Variants in TSHZ2 observed in about 807,000 individuals in gnomAD.
TSHZ2 encodes teashirt zinc finger homeobox 2.
A neutral mutation model predicts 74.4 loss-of-function variants in TSHZ2; 21 were observed. The observed-to-expected ratio is 0.28, with a 90% CI of 0.20 to 0.41. The LOEUF is 0.41. TSHZ2 is among the 10% of genes least tolerant of loss of function. TSHZ2 has a pLI of 1.00. For synonymous variants in TSHZ2, 540 were observed against 515.3 expected, an observed-to-expected ratio of 1.05 and a Z score of -0.65; for missense variants, 1,244 against 1,293.5, an observed-to-expected ratio of 0.96 and a Z score of 0.59.
At chr20:53,480,701 C>T (rs1986126934) in intron 2 of TSHZ2, among the ~76,000 whole-genome samples, 1 of 152,154 alleles carries the variant, frequency 6.6e-6, no homozygotes, top group Admixed American at 6.6e-5. Context: ...AGCAGTGCCC[C>T]CTTTTAGCAA....
At chr20:53,166,937 T>C (rs1009834163) in intron 1 of TSHZ2, among the ~76,000 whole-genome samples, 2 of 152,008 alleles carry the variant, frequency 1.3e-5, no homozygotes, top group African/African-American at 2.4e-5. Context: ...AACCTGATAA[T>C]GTAATAGTGA....
At chr20:53,313,847 C>T (rs969408971) in intron 2 of TSHZ2, among the ~76,000 whole-genome samples, 29 of 152,182 alleles carry the variant, frequency 1.9e-4, no homozygotes, top group Non-Finnish European at 3.5e-4. Context: ...AATGAACAAA[C>T]TTGTTAAAAT....
chr20:53,314,559 T>C lies in TSHZ2; in HGVS notation c.*8+57988T>C, dbSNP rs572591890. Among the ~76,000 whole-genome samples, 24 of 151,334 alleles carry C rather than the reference T, an allele frequency of 1.6e-4. 1 individual carries two copies. The highest frequency in any genetic ancestry group is 1.3e-3 in the Admixed American group (20 of 15,194). On this transcript the variant is annotated intron_variant, in intron 2 of 2. Coordinates refer to ENST00000371497, the MANE Select transcript of TSHZ2 (RefSeq NM_173485.6). ...CCACATACCTGGTGCTCCATGCTCC[T>C]CCACCTGATTGCTCTCCTTCCAATC...
At chr20:53,326,276 T>G (rs936450472) in intron 2 of TSHZ2, among the ~76,000 whole-genome samples, 8 of 152,206 alleles carry the variant, frequency 5.3e-5, no homozygotes, top group African/African-American at 1.9e-4. Context: ...TCAGCAAATA[T>G]TCCATGATTG....
intron 1 of TSHZ2, among the ~76,000 whole-genome samples, chr20:53,036,709 A>G (rs1291595956): frequency 1.4e-5 from 2 of 147,838 alleles, no homozygotes; most frequent in Non-Finnish European, 3.0e-5. Context: ...ATGTATATGT[A>G]TGTATATTAT....
In TSHZ2 at chr20:53,341,535, G is replaced by C. The variant is rs192015522; in HGVS notation, c.*8+84964G>C. On this transcript the variant is annotated intron_variant, in intron 2 of 2. Coordinates refer to ENST00000371497, the MANE Select transcript of TSHZ2 (RefSeq NM_173485.6). Reference sequence around the variant, plus strand: ...GATGGGGTCCTTACTATGTTGACCAGGCTAGTCTCGAACTGCTGACCTCAA... The same window carrying C: ...GATGGGGTCCTTACTATGTTGACCACGCTAGTCTCGAACTGCTGACCTCAA... 2.0e-5 allele frequency among the ~76,000 whole-genome samples: 3 copies of C among 151,798 alleles called. No individual in the cohort carries two copies. The East Asian group carries it at 5.8e-4, about 29-fold the overall frequency.
Position 53,215,725 on chromosome 20 carries a change from G to A in TSHZ2, c.41-37774G>A, listed in dbSNP as rs183574011. On this transcript the variant is annotated intron_variant, in intron 1 of 2. Transcript: ENST00000371497. ...CTCTACTAAAAATACAAAATTAGCC[G>A]GGCATGGTGGCACATGCCTGTAATT... is the stretch of plus-strand genomic sequence containing the variant. Among the ~76,000 whole-genome samples, 9 of 151,660 alleles carry A rather than the reference G, an allele frequency of 5.9e-5. No individual in the cohort carries two copies. In the East Asian group the frequency reaches 1.4e-3, roughly 23 times the overall value.
chr20:53,325,669 G>T (rs1398110552), intron 2 of TSHZ2, among the ~76,000 whole-genome samples: 2 of 151,620 alleles, frequency 1.3e-5, no homozygotes, highest in Admixed American at 6.6e-5. Flanking sequence ...TGCTTTGTTT[G>T]TTGTTTGTTT....
Position 53,148,174 on chromosome 20 carries a change from C to T in TSHZ2, c.41-105325C>T, listed in dbSNP as rs144149784. ...GTACTATTTAGTGTTTAATTATCTA[C>T]GAACTTCAATTGATCACATGAATGT... On this transcript the variant is annotated intron_variant, in intron 1 of 2. Transcript: ENST00000371497. Among the ~76,000 whole-genome samples, 14 of 152,298 alleles carry T rather than the reference C, an allele frequency of 9.2e-5. No individual in the cohort carries two copies. The East Asian group carries it at 2.3e-3, about 25-fold the overall frequency.
intron 2 of TSHZ2, among the ~76,000 whole-genome samples, chr20:53,483,780 T>A (rs1430512524): frequency 6.6e-6 from 1 of 152,220 alleles, no homozygotes; most frequent in African/African-American, 2.4e-5. Context: ...GGAACTATAA[T>A]AAAATCATTA....
At chr20:53,283,390 C>T (rs9808620) in intron 2 of TSHZ2, among the ~76,000 whole-genome samples, 4,286 of 152,236 alleles carry the variant, frequency 0.028, 215 homozygotes, top group African/African-American at 0.098. Context: ...TTTTATCTTT[C>T]CTGCCATCAC....
At chr20:53,328,439 T>C (rs1381319202) in intron 2 of TSHZ2, among the ~76,000 whole-genome samples, 1 of 152,234 alleles carries the variant, frequency 6.6e-6, no homozygotes, top group Admixed American at 6.5e-5. Flanking sequence ...ATTCCTGAGC[T>C]ACTCACATTA....
rs557240805 is a variant in TSHZ2 at position 53,402,983 on chromosome 20, G to A, written c.*9-84161G>A. On this transcript the variant is annotated intron_variant, in intron 2 of 2. Coordinates refer to ENST00000371497, the MANE Select transcript of TSHZ2 (RefSeq NM_173485.6). Reference sequence around the variant, plus strand: ...TCAGATACACGGGGTACATGTGTAGGATTGTTACCTGGGTATATTGGACCA... The same window carrying A: ...TCAGATACACGGGGTACATGTGTAGAATTGTTACCTGGGTATATTGGACCA... 3.9e-5 allele frequency among the ~76,000 whole-genome samples: 6 copies of A among 152,254 alleles called. No homozygotes were observed. The East Asian group carries it at 1.2e-3, about 29-fold the overall frequency.
At chr20:53,376,261 A>G (rs1180582570) in intron 2 of TSHZ2, among the ~76,000 whole-genome samples, 2 of 152,212 alleles carry the variant, frequency 1.3e-5, no homozygotes, top group African/African-American at 4.8e-5. Flanking sequence ...TGGACTAAGA[A>G]GTTTCCCAGG....
At chr20:53,287,297 C>G (rs890049246) in intron 2 of TSHZ2, among the ~76,000 whole-genome samples, 1 of 152,134 alleles carries the variant, frequency 6.6e-6, no homozygotes, top group Non-Finnish European at 1.5e-5. Context: ...TGTCTGTTCT[C>G]TTGCTGGTCT....
intron 1 of TSHZ2, among the ~76,000 whole-genome samples, chr20:53,033,651 C>CTTTTTTTTTT (rs61445726): frequency 2.5e-4 from 15 of 59,022 alleles, no homozygotes; most frequent in Admixed American, 6.4e-4. Flanking sequence ...TGATAAAAAG[C>CTTTTTTTTTT]TTTTTTTTTT....
chr20:53,326,862 TG>T (rs1224272779), intron 2 of TSHZ2, among the ~76,000 whole-genome samples: 3 of 152,214 alleles, frequency 2.0e-5, no homozygotes, highest in Admixed American at 6.5e-5. Context: ...CCTTGCAAAC[TG>T]GCGAAAATTA....
chr20:53,446,076 G>A (rs963946451), intron 2 of TSHZ2, among the ~76,000 whole-genome samples: 1 of 152,106 alleles, frequency 6.6e-6, no homozygotes, highest in Non-Finnish European at 1.5e-5. Flanking sequence ...TCATGTCACT[G>A]TGTGGTGTCC....
chr20:53,031,013 T>C lies in TSHZ2; in HGVS notation c.40+57680T>C, dbSNP rs572562153. 1.5e-3 allele frequency among the ~76,000 whole-genome samples: 234 copies of C among 152,334 alleles called. 1 individual carries two copies. The highest frequency in any genetic ancestry group is 2.0e-3 in the Non-Finnish European group (137 of 68,038). On this transcript the variant is annotated intron_variant, in intron 1 of 2. Coordinates refer to ENST00000371497, the MANE Select transcript of TSHZ2 (RefSeq NM_173485.6). The stretch of plus-strand genomic sequence containing the variant: ...TTGCTGAATGTGGGCTTTATTTTTT[T>C]TAAAATTTCTTTCTATTCTAAACAA...
Sources: gnomAD v4.1 joint callset for allele counts (sites outside exome capture counted in the v4.1 genomes callset) on GRCh38, gnomAD v4.1.1 for gene constraint, MANE v1.5 for transcripts, NCBI Gene and HGNC (gene_info 2026-07-23, HGNC 2026-07-21) for gene names.